Variants in TXLNB observed in about 807,000 individuals in gnomAD.
The protein encoded by TXLNB is taxilin beta.
Under a neutral mutation model 57.4 loss-of-function variants are expected in TXLNB, and 37 were observed. The observed-to-expected ratio is 0.64, with a 90% confidence interval of 0.50 to 0.85. The LOEUF is 0.85. Ranked by LOEUF, TXLNB falls within the 40% of genes least tolerant of loss-of-function variation. The pLI, the probability that TXLNB is intolerant of heterozygous loss-of-function variation, is 0.00. For synonymous variants in TXLNB, 302 were observed against 309.6 expected (o/e 0.98, Z 0.26); for missense variants, 848 against 825.6 (o/e 1.03, Z -0.33).
the TXLNB span, chr6:139,166,159 AC>A: frequency 2.1e-5 from 16 of 759,396 alleles, no homozygotes; most frequent in South Asian, 3.0e-4. Context: ...CTTTAAAGGA[AC>A]CCTGGAACTG....
At chr6:139,204,135 C>T in the TXLNB span, among the ~76,000 whole-genome samples, 5 of 152,078 alleles carry the variant, frequency 3.3e-5, no homozygotes, top group Non-Finnish European at 1.5e-5. Context: ...ACTGCAACCT[C>T]CACCTCCCAG....
At chr6:139,171,424 C>T in the TXLNB span, among the ~76,000 whole-genome samples, 1 of 152,244 alleles carries the variant, frequency 6.6e-6, no homozygotes, top group Admixed American at 6.5e-5. Flanking sequence ...AGAAGTTGAA[C>T]GTTTGATGTA....
intron 3 of TXLNB, among the ~76,000 whole-genome samples, chr6:139,275,593 CAG>C (rs1194662604): frequency 6.6e-6 from 1 of 152,124 alleles, no homozygotes; most frequent in East Asian, 1.9e-4. Context: ...GCCAGTCACG[CAG>C]AGTTTCAGAA....
the TXLNB span, among the ~76,000 whole-genome samples, chr6:139,196,515 C>T: frequency 6.6e-6 from 1 of 151,866 alleles, no homozygotes; most frequent in South Asian, 2.1e-4. Flanking sequence ...GCTGGGATTA[C>T]AGGTGCCCAC....
At chr6:139,173,280 A>G in the TXLNB span, among the ~76,000 whole-genome samples, 60 of 152,288 alleles carry the variant, frequency 3.9e-4, no homozygotes, top group African/African-American at 1.4e-3. Context: ...CATTTACCCA[A>G]CATACACTTA....
rs145594903 is a variant in TXLNB, at chr6:139,250,874, T to C, written c.1078-2965A>G. Among the ~76,000 whole-genome samples the C allele has an allele frequency of 4.4e-3, 667 of 152,330 alleles. 4 individuals carry two copies. The highest frequency in any genetic ancestry group is 0.015 in the African/African-American group (630 of 41,576). On this transcript the variant is annotated intron_variant, in intron 7 of 9. Coordinates refer to ENST00000358430, the MANE Select transcript of TXLNB (RefSeq NM_153235.4). Reference sequence around the variant, plus strand: ...TAACAGGCATTAAAAGCCCTCAGGTTTGATTGTCTTCACTTAACTGGGTAA... The same window carrying C: ...TAACAGGCATTAAAAGCCCTCAGGTCTGATTGTCTTCACTTAACTGGGTAA...
the TXLNB span, among the ~76,000 whole-genome samples, chr6:139,163,927 C>G: frequency 6.6e-6 from 1 of 152,128 alleles, no homozygotes; most frequent in Non-Finnish European, 1.5e-5. Flanking sequence ...ATTCATGTCT[C>G]CTCCACCTCA....
chr6:139,161,729 T>A, the TXLNB span, among the ~76,000 whole-genome samples: 5 of 152,268 alleles, frequency 3.3e-5, no homozygotes, highest in Non-Finnish European at 7.3e-5. Context: ...TAGTTAGATC[T>A]TCCTTTGACC....
chr6:139,259,099 T>G (rs893082110), intron 6 of TXLNB, among the ~76,000 whole-genome samples: 2 of 152,156 alleles, frequency 1.3e-5, no homozygotes, highest in Non-Finnish European at 2.9e-5. Flanking sequence ...TTCATCCATC[T>G]CCACCCCTCT....
intron 5 of TXLNB, among the ~76,000 whole-genome samples, chr6:139,261,901 C>CTTTTTT (rs759412856): frequency 8.5e-6 from 1 of 117,880 alleles, no homozygotes; most frequent in Admixed American, 9.0e-5. Context: ...AATACAGACT[C>CTTTTTT]TTTTTTTTTT....
chr6:139,277,139 A>G (rs914666966), intron 2 of TXLNB: 1 of 454,762 alleles, frequency 2.2e-6, no homozygotes, highest in African/African-American at 2.1e-5. Flanking sequence ...TGTGAGGTTC[A>G]TGGCAGACTC....
At chr6:139,237,028 T>C (rs1775843286), downstream of TXLNB, among the ~76,000 whole-genome samples, 1 of 152,192 alleles carries the variant, frequency 6.6e-6, no homozygotes, top group Non-Finnish European at 1.5e-5. Context: ...AAGGTCATCA[T>C]GGGTTGGGCT....
the TXLNB span, among the ~76,000 whole-genome samples, chr6:139,308,821 T>C: frequency 6.6e-6 from 1 of 152,234 alleles, no homozygotes; most frequent in Non-Finnish European, 1.5e-5. Flanking sequence ...TGCAAGTTTT[T>C]ACCATAAAGG....
At chr6:139,247,050 A>G (rs1213853863) in intron 8 of TXLNB, among the ~76,000 whole-genome samples, 1 of 152,230 alleles carries the variant, frequency 6.6e-6, no homozygotes, top group African/African-American at 2.4e-5. Context: ...ATTACATTAC[A>G]TAAGTTAAAT....
the TXLNB span, among the ~76,000 whole-genome samples, chr6:139,189,509 TATTA>T: frequency 3.9e-5 from 6 of 152,236 alleles, no homozygotes; most frequent in African/African-American, 1.2e-4. Flanking sequence ...ATTAACAAGA[TATTA>T]ATTATGAGTC....
At chr6:139,309,061 C>T in the TXLNB span, among the ~76,000 whole-genome samples, 17,340 of 152,178 alleles carry the variant, frequency 0.11, 1,211 homozygotes, top group African/African-American at 0.2. Context: ...CCTTGTCCAA[C>T]CACACTCCCA....
the TXLNB span, among the ~76,000 whole-genome samples, chr6:139,303,612 T>C: frequency 6.6e-6 from 1 of 151,868 alleles, no homozygotes; most frequent in African/African-American, 2.4e-5. Flanking sequence ...CTTAGGCAAA[T>C]GAAGAATATA....
At chr6:139,292,578 A>G (rs1028950624), upstream of TXLNB, among the ~76,000 whole-genome samples, 4 of 152,168 alleles carry the variant, frequency 2.6e-5, no homozygotes, top group African/African-American at 9.7e-5. This position sits in a 1 kb window ranked among gnomAD's most constrained non-coding sequence, Gnocchi z 4.0. Flanking sequence ...AAACATGTAG[A>G]TGGTGATTTT....
At chr6:139,212,574 C>T in the TXLNB span, among the ~76,000 whole-genome samples, 3 of 150,272 alleles carry the variant, frequency 2.0e-5, no homozygotes, top group Non-Finnish European at 4.4e-5. Flanking sequence ...CATCAACTAA[C>T]GAGCAAAATA....
Sources: allele counts gnomAD v4.1 joint callset (sites outside exome capture counted in the v4.1 genomes callset), GRCh38; gene constraint gnomAD v4.1.1; non-coding constraint Gnocchi (gnomAD v3.1); transcripts MANE v1.5; gene names NCBI Gene and HGNC (gene_info 2026-07-23, HGNC 2026-07-21).